AP4B1: variants seen among roughly 807,000 people sequenced by gnomAD.
AP4B1 encodes the protein adaptor related protein complex 4 subunit beta 1, also known as AP-4 complex subunit beta-1.
Under a neutral mutation model 76.5 loss-of-function variants are expected in AP4B1, and 49 were observed. That is an observed-to-expected ratio of 0.64 (90% CI 0.51 to 0.81). AP4B1 has a LOEUF of 0.81. Among genes scored for constraint, AP4B1 ranks in the 40% least tolerant of loss-of-function variants. The probability of loss-of-function intolerance (pLI) is 0.00; values close to 1 mark genes in which losing one functional copy is unlikely to be tolerated. For missense variants in AP4B1, 911 were observed against 904.9 expected (o/e 1.01, Z -0.09); for synonymous variants, 330 against 333.3 (o/e 0.99, Z 0.11).
Position 113,895,470 on chromosome 1 carries a change from G to C in AP4B1, c.1815C>G (p.Asn605Lys). The C allele has an allele frequency of 6.2e-7, 1 of 1,614,182 alleles. No individual in the cohort carries two copies. The highest frequency in any genetic ancestry group is 8.5e-7 in the Non-Finnish European group (1 of 1,180,032). The change falls in exon 10 of 10, where the codon AAC becomes AAG. Residue 605 changes from asparagine (N) to lysine (K), a missense_variant. Physicochemically the swap from Asn to Lys is moderately conservative, Grantham distance 94. Transcript: ENST00000369569. ...CAGGGAGTTCTTGTACCCTCTCCTT[G>C]TTCTCTTCAGGAATCAAGGGTCCTA... ...AASGPLIPEE[N>K]KERVQELPDS...
intron 2 of AP4B1, 164 bp from the exon 3 acceptor site, chr1:113,902,049 T>C: frequency 1.1e-6 from 1 of 932,656 alleles, no homozygotes; most frequent in Non-Finnish European, 1.7e-6. Flanking sequence ...TTGACTTTTC[T>C]GTTTTTTTCT....
Position 113,895,818 on chromosome 1 carries a change from T to C in AP4B1, c.1731A>G (p.Lys577=). Residue 577 remains lysine (K), a synonymous_variant, in exon 9 of 10, where the codon AAA becomes AAG. Transcript: ENST00000369569. ...YGKAHWATIS[K]CQGAERCDPE... is the part of the protein sequence containing the mutation. Reference sequence around the variant, plus strand: ...GGTCACAACGCTCTGCCCCCTGGCATTTAGAGATAGTTGCCCAGTGGGCTT... The same window carrying C: ...GGTCACAACGCTCTGCCCCCTGGCACTTAGAGATAGTTGCCCAGTGGGCTT... The C allele has an allele frequency of 1.2e-6, 2 of 1,614,186 alleles. No homozygotes were observed. The highest frequency in any genetic ancestry group is 2.2e-5 in the South Asian group (2 of 91,084).
intron 1 of AP4B1, 100 bp downstream of exon 1, chr1:113,904,505 G>A (rs1410345165): frequency 9.1e-7 from 1 of 1,097,482 alleles, no homozygotes; most frequent in East Asian, 2.4e-5. Flanking sequence ...TAACTGCCAC[G>A]TGTGAAAGCT....
chr1:113,904,691 C>G lies in AP4B1; in HGVS notation c.27G>C (p.Val9=). 1 of 1,612,620 alleles carries G rather than the reference C, an allele frequency of 6.2e-7. No homozygotes were observed. The highest frequency in any genetic ancestry group is 1.1e-5 in the South Asian group (1 of 91,020). The change falls in exon 1 of 10, where the codon GTG becomes GTC. Residue 9 remains valine, a synonymous_variant. Transcript: ENST00000369569. ...ACAGAGCCTTCTTCAGCTCCTTCAC[C>G]ACGTCCTCGGAGCCAAGGTACGGCA... is the stretch of plus-strand genomic sequence containing the variant. MPYLGSED[V]VKELKKALCN...
At chr1:113,896,210 T>C (rs761604273) in intron 8 of AP4B1, 48 bp downstream of exon 8, 1 of 1,610,594 alleles carries the variant, frequency 6.2e-7, no homozygotes, top group Non-Finnish European at 8.5e-7. Flanking sequence ...CTATTAAGAA[T>C]TTTTACTATG....
At position 113,896,450 on chromosome 1, in the gene AP4B1, T is replaced by C; in HGVS notation, c.1318A>G (p.Ile440Val). The C allele has an allele frequency of 6.2e-7, 1 of 1,614,190 alleles. No individual in the cohort carries two copies. The highest frequency in any genetic ancestry group is 8.5e-7 in the Non-Finnish European group (1 of 1,180,014). Residue 440 changes from isoleucine (I) to valine (V), a missense_variant, in exon 8 of 10, where the codon ATT becomes GTT. Coordinates refer to ENST00000369569, the MANE Select transcript of AP4B1 (RefSeq NM_001253852.3). ...TCCCCATGGACACCAAGTAGCCAAA[T>C]AAGTGCTTGCTTCCCCTAGAGAATA... ...IQDSEGKQAL[I>V]WLLGVHGERI...
chr1:113,900,908 G>C (rs542406994), intron 4 of AP4B1: 10 of 335,244 alleles, frequency 3.0e-5, no homozygotes, highest in African/African-American at 1.9e-4. Flanking sequence ...AGAAGTTTGG[G>C]ACCAGCCTGA....
At chr1:113,899,354 T>C in intron 5 of AP4B1, 2 of 1,011,552 alleles carry the variant, frequency 2.0e-6, no homozygotes, top group Non-Finnish European at 2.4e-6. Context: ...TGAAAAAGTC[T>C]GTAAGATTTA....
intron 3 of AP4B1, 47 bp downstream of exon 3, chr1:113,901,708 A>G (rs1668287979): frequency 2.5e-6 from 4 of 1,612,426 alleles, no homozygotes; most frequent in Non-Finnish European, 3.4e-6. Flanking sequence ...TTTTAAAGTT[A>G]TACATAATGG....
Position 113,901,818 on chromosome 1 carries a change from CAT to C in AP4B1, c.404_405del (p.Tyr135CysfsTer14). The C allele has an allele frequency of 6.2e-7, 1 of 1,614,204 alleles. No homozygotes were observed. Among genetic ancestry groups the C allele is most frequent in the Non-Finnish European group, 8.5e-7 (1 of 1,180,044 alleles). ...ILNGLRDKAS[Y>X]VRRVAVLGCA... ...CATCCAAGGACTGCCACTCTCCTGACATATGAAGCCTTATCCCGCAGACCATT... is the reference window on the plus strand; with the variant it reads ...CATCCAAGGACTGCCACTCTCCTGACATGAAGCCTTATCCCGCAGACCATT... On this transcript the variant is annotated frameshift_variant, in exon 3 of 10. Transcript: ENST00000369569. LOFTEE classifies it high-confidence loss of function.
intron 2 of AP4B1, 95 bp from the exon 3 acceptor site, chr1:113,901,980 G>A: frequency 7.1e-7 from 1 of 1,416,732 alleles, no homozygotes. Context: ...AGTAGATGCT[G>A]CACCCATCAG....
chr1:113,896,212 T>G (rs1667444361), intron 8 of AP4B1, 46 bp downstream of exon 8: 1 of 1,611,020 alleles, frequency 6.2e-7, no homozygotes, highest in Non-Finnish European at 8.5e-7. Context: ...ATTAAGAATT[T>G]TTACTATGGG....
At chr1:113,901,934 A>C (rs2101039177) in intron 2 of AP4B1, 49 bp from the exon 3 acceptor site, 1 of 1,613,072 alleles carries the variant, frequency 6.2e-7, no homozygotes, top group Non-Finnish European at 8.5e-7. Context: ...ACTAATTTTG[A>C]CATACCTCAG....
In AP4B1 at chr1:113,904,692, A is replaced by G; in HGVS notation, c.26T>C (p.Val9Ala). 6.2e-7 allele frequency: 1 copy of G among 1,612,498 alleles called. No homozygotes were observed. Among genetic ancestry groups the G allele is most frequent in the Non-Finnish European group, 8.5e-7 (1 of 1,179,988 alleles). The part of the protein sequence containing the change: MPYLGSED[V>A]VKELKKALCN... ...CAGAGCCTTCTTCAGCTCCTTCACC[A>G]CGTCCTCGGAGCCAAGGTACGGCAT... Residue 9 changes from valine to alanine, a missense_variant, in exon 1 of 10, where the codon GTG becomes GCG. By Grantham distance (64) the Val-to-Ala change is moderately conservative. Coordinates refer to ENST00000369569, the MANE Select transcript of AP4B1 (RefSeq NM_001253852.3).
chr1:113,897,976 A>AT (rs1667706148), intron 6 of AP4B1, 33 bp from the exon 7 acceptor site: 1 of 1,613,950 alleles, frequency 6.2e-7, no homozygotes, highest in Non-Finnish European at 8.5e-7. Context: ...AGAGCACAGG[A>AT]TTAGAGCCTC....
intron 1 of AP4B1, 100 bp downstream of exon 1, chr1:113,904,505 G>T: frequency 1.8e-6 from 2 of 1,097,478 alleles, no homozygotes; most frequent in Non-Finnish European, 2.8e-6. Flanking sequence ...TAACTGCCAC[G>T]TGTGAAAGCT....
chr1:113,895,414 C>A lies in AP4B1; in HGVS notation c.1871G>T (p.Arg624Leu). 1.2e-6 allele frequency: 2 copies of A among 1,614,150 alleles called. No individual in the cohort carries two copies. Among genetic ancestry groups the A allele is most frequent in the South Asian group, 1.1e-5 (1 of 91,074 alleles). Residue 624 changes from arginine to leucine, a missense_variant, in exon 10 of 10, where the codon CGC (arginine) becomes CTC (leucine). By Grantham distance (102) the Arg-to-Leu change is moderately radical (BLOSUM62 -2). Coordinates refer to ENST00000369569, the MANE Select transcript of AP4B1 (RefSeq NM_001253852.3). ...DSGALMLVPN[R>L]QLTADYFEKT... ...CTCAAAATAATCAGCAGTAAGCTGG[C>A]GATTGGGGACTAGCATGAGGGCTCC...
intron 7 of AP4B1, 31 bp downstream of exon 7, chr1:113,897,809 T>C (rs1667683870): frequency 1.2e-6 from 2 of 1,605,764 alleles, no homozygotes; most frequent in South Asian, 2.2e-5. Flanking sequence ...ATTCTCCCCC[T>C]ACCTAGAAGT....
Position 113,898,732 on chromosome 1 carries a change from T to A in AP4B1, c.1184A>T (p.Glu395Val). ...ILTELLGLRQEHITTVVVQTF... is the reference protein window; with the variant it reads ...ILTELLGLRQVHITTVVVQTF... The stretch of plus-strand genomic sequence containing the variant: ...GCAGGCATTACCTGTGGTAATGTGC[T>A]CTTGTCGAAGACCCAGCAACTCTGT... The change falls in exon 6 of 10, where the codon GAG (glutamate) becomes GTG (valine). Residue 395 changes from glutamate to valine, a missense_variant. Coordinates refer to ENST00000369569, the MANE Select transcript of AP4B1 (RefSeq NM_001253852.3). 1 of 1,609,504 alleles carries A rather than the reference T, an allele frequency of 6.2e-7. No individual in the cohort carries two copies. Among genetic ancestry groups the A allele is most frequent in the Non-Finnish European group, 8.5e-7 (1 of 1,179,934 alleles).
Sources: gnomAD v4.1 joint callset for allele counts on GRCh38, gnomAD v4.1.1 for gene constraint, MANE v1.5 for transcripts, NCBI Gene and HGNC (gene_info 2026-07-23, HGNC 2026-07-21) for gene names.